Variants in TENM4 observed in about 807,000 individuals in gnomAD.
TENM4 encodes teneurin-4.
A neutral mutation model predicts 243.3 loss-of-function variants in TENM4; 82 were observed. That is an observed-to-expected ratio of 0.34 (90% confidence interval 0.28 to 0.40). TENM4 has a LOEUF of 0.40. TENM4 is among the 10% of genes least tolerant of loss of function. The pLI is 1.00. For synonymous variants in TENM4, 1,412 were observed against 1,456.3 expected (o/e 0.97, Z 0.69); for missense variants, 3,138 against 3,673.3 (o/e 0.85, Z 3.77).
intron 23 of TENM4, among the ~76,000 whole-genome samples, chr11:78,725,734 T>C (rs1412413733): frequency 2.0e-5 from 3 of 152,212 alleles, no homozygotes; most frequent in South Asian, 2.1e-4. Flanking sequence ...AAGAGACACA[T>C]TGATGAACCA....
At chr11:78,728,683 C>T (rs564270983) in intron 22 of TENM4, among the ~76,000 whole-genome samples, 27 of 152,222 alleles carry the variant, frequency 1.8e-4, no homozygotes, top group African/African-American at 4.6e-4. Context: ...GGGTTCAAGA[C>T]GAGAAGGGAT....
At chr11:79,221,477 C>G (rs1488510550) in intron 2 of TENM4, among the ~76,000 whole-genome samples, 1 of 151,782 alleles carries the variant, frequency 6.6e-6, no homozygotes, top group African/African-American at 2.4e-5. Context: ...AACATCCACA[C>G]CCACACACAA....
intron 1 of TENM4, among the ~76,000 whole-genome samples, chr11:79,304,804 C>G (rs187607892): frequency 6.6e-6 from 1 of 152,314 alleles, no homozygotes; most frequent in East Asian, 1.9e-4. Flanking sequence ...GCTGCAGGTG[C>G]TCCCCAGCTG....
At chr11:79,124,643 A>ATG (rs1314241984) in intron 4 of TENM4, among the ~76,000 whole-genome samples, 6 of 121,618 alleles carry the variant, frequency 4.9e-5, no homozygotes, top group Non-Finnish European at 7.2e-5. Flanking sequence ...GTATATATAT[A>ATG]TATGTGTGTG....
chr11:79,221,471 T>C (rs970855960), intron 2 of TENM4, among the ~76,000 whole-genome samples: 1 of 151,360 alleles, frequency 6.6e-6, no homozygotes, highest in African/African-American at 2.4e-5. Flanking sequence ...AAAAAAAACA[T>C]CCACACCCAC....
chr11:78,698,427 A>AAC (rs1324562908), intron 28 of TENM4, among the ~76,000 whole-genome samples: 2 of 130,236 alleles, frequency 1.5e-5, no homozygotes, highest in Non-Finnish European at 3.3e-5. Context: ...AACCAACCAA[A>AAC]CAAACAAACA....
rs143434463 is a variant in TENM4, at chr11:79,302,506, T to C, written c.-320-4963A>G. ...ATATCTAATATAGTATACCAAATTA[T>C]ATCTAATTCACTGCCTTCTCTCCCA... On this transcript the variant is annotated intron_variant, in intron 1 of 33. Coordinates refer to ENST00000278550, the MANE Select transcript of TENM4 (RefSeq NM_001098816.3). Among the ~76,000 whole-genome samples, 101 of 152,370 alleles carry C rather than the reference T, an allele frequency of 6.6e-4. 2 individuals carry two copies. Among genetic ancestry groups the C allele is most frequent in the African/African-American group, 2.4e-3 (98 of 41,586 alleles).
chr11:79,359,583 A>G (rs532624377), intron 1 of TENM4, among the ~76,000 whole-genome samples: 83 of 152,250 alleles, frequency 5.5e-4, no homozygotes, highest in African/African-American at 1.9e-3. Flanking sequence ...ATAAAAGTAA[A>G]ACAAAACAAA....
At chr11:79,073,902 T>C (rs1860475572) in intron 4 of TENM4, among the ~76,000 whole-genome samples, 1 of 152,232 alleles carries the variant, frequency 6.6e-6, no homozygotes, top group Non-Finnish European at 1.5e-5. Flanking sequence ...TAAGTGTCAG[T>C]TATAACTGGG....
Position 78,843,172 on chromosome 11 carries a change from G to A in TENM4, c.1681+10932C>T, listed in dbSNP as rs1015510611. On this transcript the variant is annotated intron_variant, in intron 12 of 33. Transcript: ENST00000278550. ...GGGCGCCTATAATCCCAGCTACTTG[G>A]GAGGCTGAGGCAAGAGAATTGCTTG... Among the ~76,000 whole-genome samples, 6 of 152,168 alleles carry A rather than the reference G, an allele frequency of 3.9e-5. No homozygotes were observed. The East Asian group carries it at 1.2e-3, about 29-fold the overall frequency.
chr11:78,742,510 C>CGT, intron 19 of TENM4, among the ~76,000 whole-genome samples: 1 of 152,306 alleles, frequency 6.6e-6, no homozygotes. Flanking sequence ...CTAAAGCCAA[C>CGT]GTGAAATGCC....
chr11:79,150,469 G>T (rs900741610), intron 3 of TENM4, among the ~76,000 whole-genome samples: 6 of 152,090 alleles, frequency 3.9e-5, no homozygotes, highest in Non-Finnish European at 8.8e-5. Flanking sequence ...CCCCTGTCCT[G>T]CCCCCAAGTT....
intron 16 of TENM4, among the ~76,000 whole-genome samples, chr11:78,780,115 T>C (rs1010642186): frequency 6.6e-6 from 1 of 152,038 alleles, no homozygotes; most frequent in Non-Finnish European, 1.5e-5. Context: ...GGATACAAGA[T>C]AGGAACATGA....
At chr11:78,729,762 G>A (rs1855607430) in intron 21 of TENM4, 119 bp from the exon 22 acceptor site, 3 of 1,329,742 alleles carry the variant, frequency 2.3e-6, no homozygotes, top group Admixed American at 2.3e-5. Context: ...CAGAAGGAGA[G>A]AGGAGGGGAA....
At chr11:79,213,560 G>C (rs999121697) in intron 3 of TENM4, among the ~76,000 whole-genome samples, 1 of 152,164 alleles carries the variant, frequency 6.6e-6, no homozygotes, top group Non-Finnish European at 1.5e-5. Context: ...TTTGCAAAAC[G>C]TCTTTCCTCC....
At position 79,438,831 on chromosome 11, in the gene TENM4, A is replaced by G. The variant is rs1450004225; in HGVS notation, c.-321+1678T>C. ...CGATCAATTCCGGATGCCCCCACTTAGTCCCTGCCTCGGTAACCGGTTCTT... is the reference window on the plus strand; with the variant it reads ...CGATCAATTCCGGATGCCCCCACTTGGTCCCTGCCTCGGTAACCGGTTCTT... On this transcript the variant is annotated intron_variant, in intron 1 of 33. Transcript: ENST00000278550. This position sits in a 1 kb window ranked among gnomAD's most constrained non-coding sequence, Gnocchi z 4.1. 1 of 152,216 alleles carries G rather than the reference A, an allele frequency of 6.6e-6. No homozygotes were observed. The highest frequency in any genetic ancestry group is 1.5e-5 in the Non-Finnish European group (1 of 68,098). 9.4% of individuals were successfully genotyped at this position (152,216 alleles called of 1,614,324 possible).
At chr11:79,216,571 A>G (rs139376455) in intron 2 of TENM4, among the ~76,000 whole-genome samples, 17 of 152,348 alleles carry the variant, frequency 1.1e-4, no homozygotes, top group Admixed American at 3.9e-4. Flanking sequence ...CTGGATTGTG[A>G]TGGCTCTGCC....
intron 6 of TENM4, among the ~76,000 whole-genome samples, chr11:78,918,363 G>T (rs1006802758): frequency 6.6e-6 from 1 of 151,938 alleles, no homozygotes; most frequent in African/African-American, 2.4e-5. Context: ...ACATTCTGTG[G>T]GTGCCACCTG....
chr11:78,659,560 C>T (rs1389397860), intron 33 of TENM4, among the ~76,000 whole-genome samples: 5 of 152,066 alleles, frequency 3.3e-5, no homozygotes, highest in Admixed American at 6.6e-5. Context: ...GGTGGGATGC[C>T]GTCAGATGGA....
Sources: allele counts gnomAD v4.1 joint callset (sites outside exome capture counted in the v4.1 genomes callset), GRCh38; gene constraint gnomAD v4.1.1; non-coding constraint Gnocchi (gnomAD v3.1); transcripts MANE v1.5; gene names NCBI Gene and HGNC (gene_info 2026-07-23, HGNC 2026-07-21).